Variants in ZNF8 observed in about 807,000 individuals in gnomAD.
ZNF8 encodes zinc finger protein 272.
Under a neutral mutation model 12.2 loss-of-function variants are expected in ZNF8, and 9 were observed. The ratio of observed to expected loss-of-function variants is 0.73; its 90% confidence interval spans 0.44 to 1.28. ZNF8 has a LOEUF of 1.28. Among genes scored for constraint, ZNF8 ranks in the 50% most tolerant of loss-of-function variants. ZNF8 has a pLI of 0.00. For missense variants in ZNF8, 664 were observed against 729.1 expected, an observed-to-expected ratio of 0.91 and a Z score of 1.03; for synonymous variants, 274 against 282.3, an observed-to-expected ratio of 0.97 and a Z score of 0.30.
Position 58,294,336 on chromosome 19 carries a change from C to A in ZNF8, c.528C>A (p.Leu176=), listed in dbSNP as rs142117860. The change falls in exon 4 of 4, where the codon CTC becomes CTA. Residue 176 remains leucine (L), a synonymous_variant. Transcript: ENST00000621650. The surrounding 1 kb of genome is among the most constrained non-coding windows in gnomAD (Gnocchi z 5.5). ...TTCAAGATCAAGGCTACAAAACTCT[C>A]AGACTCAGGGAAAACTGCGTCCTGA... ...APVQDQGYKT[L]RLRENCVLSS... is the part of the protein sequence containing the mutation. 2.0e-5 allele frequency: 32 copies of A among 1,614,180 alleles called. No individual in the cohort carries two copies. Among genetic ancestry groups the A allele is most frequent in the Non-Finnish European group, 2.5e-5 (30 of 1,180,046 alleles).
Position 58,286,212 on chromosome 19 carries a change from A to G in ZNF8, c.289+7A>G. On this transcript the variant is annotated splice_region_variant and intron_variant, in intron 3 of 3. Transcript: ENST00000621650. ...ACCCAGGGCTGCCATCCAGGTGAGA[A>G]CCCACTATGTGGGAGCAGCTAATGG... 2 of 1,558,654 alleles carry G rather than the reference A, an allele frequency of 1.3e-6. No homozygotes were observed. Among genetic ancestry groups the G allele is most frequent in the East Asian group, 2.3e-5 (1 of 43,434 alleles).
At position 58,279,059 on chromosome 19, in the gene ZNF8, T is replaced by C. The variant is rs1383027733; in HGVS notation, c.-23T>C. ...CTGGTCTGGGGATCACCTCAGGCGC[T>C]GTCCTTCACTGGGCGATCCAGCATG... On this transcript the variant is annotated 5_prime_UTR_variant, in exon 1 of 4. Coordinates refer to ENST00000621650, the MANE Select transcript of ZNF8 (RefSeq NM_021089.3). The C allele has an allele frequency of 4.1e-6, 6 of 1,457,584 alleles. No individual in the cohort carries two copies. Among genetic ancestry groups the C allele is most frequent in the Non-Finnish European group, 5.5e-6 (6 of 1,097,066 alleles). 90.3% of individuals were successfully genotyped at this position (1,457,584 alleles called of 1,614,324 possible). A position where few individuals can be genotyped will look rare whatever the true frequency, so the allele number is the denominator to read the frequency against.
intron 3 of ZNF8, among the ~76,000 whole-genome samples, chr19:58,289,342 A>T (rs2051403135): frequency 6.6e-6 from 1 of 152,044 alleles, no homozygotes; most frequent in Admixed American, 6.6e-5. Context: ...CTAAAAATAC[A>T]AAAATTATCC....
intron 1 of ZNF8, among the ~76,000 whole-genome samples, chr19:58,283,491 C>T (rs1026360691): frequency 8.6e-5 from 13 of 152,030 alleles, no homozygotes; most frequent in Admixed American, 5.9e-4. Context: ...CTTGCCCTCT[C>T]GCCATGTGAT....
Position 58,285,742 on chromosome 19 carries a change from C to T in ZNF8, c.92C>T (p.Ala31Val), listed in dbSNP as rs1351661071. ...GAACCAGTGACCTTCCGGGATGTGGCTGTGGACTTTACCCAGGAGGAATGG... is the reference window on the plus strand; with the variant it reads ...GAACCAGTGACCTTCCGGGATGTGGTTGTGGACTTTACCCAGGAGGAATGG... ...LQEPVTFRDV[A>V]VDFTQEEWGQ... The change falls in exon 2 of 4, where the codon GCT becomes GTT. Residue 31 changes from alanine to valine, a missense_variant. Ala to Val is a moderately conservative substitution (Grantham distance 64). Around this residue, in one of 3 missense-constraint regions of ZNF8, gnomAD observed 306 missense variants for 308.7 expected, o/e 0.99. Coordinates refer to ENST00000621650, the MANE Select transcript of ZNF8 (RefSeq NM_021089.3). The T allele has an allele frequency of 6.2e-7, 1 of 1,614,174 alleles. No individual in the cohort carries two copies. The highest frequency in any genetic ancestry group is 8.5e-7 in the Non-Finnish European group (1 of 1,180,038).
At position 58,300,669 on chromosome 19, in the gene ZNF8, C is replaced by T. The variant is rs565769169; in HGVS notation, c.*5133C>T. ...AGCTCTTGGGAGAATTGCTTGTGCT[C>T]CCTATTCCCTTGGTGGATGATGGAG... On this transcript the variant is annotated 3_prime_UTR_variant, in exon 4 of 4. Coordinates refer to ENST00000621650, the MANE Select transcript of ZNF8 (RefSeq NM_021089.3). 2 of 152,022 alleles carry T rather than the reference C, an allele frequency of 1.3e-5. No homozygotes were observed. Among genetic ancestry groups the T allele is most frequent in the South Asian group, 2.1e-4 (1 of 4,804 alleles). The allele number at this position is 152,022 out of a possible 1,614,324, so 9.4% of individuals were successfully genotyped here.
chr19:58,278,980 C>A lies in ZNF8; in HGVS notation c.-102C>A. 2 of 1,310,884 alleles carry A rather than the reference C, an allele frequency of 1.5e-6. No individual in the cohort carries two copies. Among genetic ancestry groups the A allele is most frequent in the Non-Finnish European group, 2.0e-6 (2 of 1,011,986 alleles). 81.2% of individuals were successfully genotyped at this position (1,310,884 alleles called of 1,614,324 possible). On this transcript the variant is annotated 5_prime_UTR_variant, in exon 1 of 4. Coordinates refer to ENST00000621650, the MANE Select transcript of ZNF8 (RefSeq NM_021089.3). ...GTAGTCGCCGCGTCGCCGGTGCGGC[C>A]GCCATTGTCCGGCGTTCGGCGAGTC... is the stretch of plus-strand genomic sequence containing the variant.
chr19:58,279,607 G>T, intron 1 of ZNF8: 1 of 1,533,968 alleles, frequency 6.5e-7, no homozygotes, highest in South Asian at 1.2e-5. Flanking sequence ...CAGCACCGCG[G>T]AGCCCCTGCC....
intron 1 of ZNF8, chr19:58,280,689 G>A (rs1307790182): frequency 6.6e-6 from 1 of 152,220 alleles, no homozygotes; most frequent in Non-Finnish European, 1.5e-5. Context: ...TTGTTCTTAG[G>A]TTCTGGAGGT....
At position 58,295,474 on chromosome 19, in the gene ZNF8, A is replaced by T; in HGVS notation, c.1666A>T (p.Ile556Phe). ...GCAAGAGAAAAACCCTGTGCACGTT[A>T]TTGGGGTGGAAGAGCCTTCTGTGGG... ...IMQEKNPVHV[I>F]GVEEPSVGAS... Residue 556 changes from isoleucine to phenylalanine, a missense_variant, in exon 4 of 4, where the codon ATT becomes TTT. Physicochemically the swap from Ile to Phe is conservative, Grantham distance 21. Transcript: ENST00000621650. 6.2e-7 allele frequency: 1 copy of T among 1,612,876 alleles called. No homozygotes were observed. Among genetic ancestry groups the T allele is most frequent in the Non-Finnish European group, 8.5e-7 (1 of 1,179,622 alleles).
intron 3 of ZNF8, among the ~76,000 whole-genome samples, chr19:58,289,374 T>G (rs2051403238): frequency 6.6e-6 from 1 of 151,816 alleles, no homozygotes; most frequent in Admixed American, 6.6e-5. Context: ...TGCATGCCTG[T>G]AATCCCAGCT....
At position 58,294,389 on chromosome 19, in the gene ZNF8, T is replaced by C; in HGVS notation, c.581T>C (p.Ile194Thr). Residue 194 changes from isoleucine to threonine, a missense_variant, in exon 4 of 4, where the codon ATC (isoleucine) becomes ACC (threonine). Ile to Thr is a moderately conservative substitution (Grantham distance 89). This residue lies in a region of ZNF8 where 306 missense variants were observed against 308.7 expected (regional missense o/e 0.99). Transcript: ENST00000621650. The surrounding 1 kb of genome is among the most constrained non-coding windows in gnomAD (Gnocchi z 5.5). ...LSSSPNPFPE[I>T]SRGEYLYTYD... Reference sequence around the variant, plus strand: ...TCAAGCCCAAATCCATTCCCAGAGATCTCTAGAGGGGAGTATTTGTATACT... The same window carrying C: ...TCAAGCCCAAATCCATTCCCAGAGACCTCTAGAGGGGAGTATTTGTATACT... 1 of 1,613,946 alleles carries C rather than the reference T, an allele frequency of 6.2e-7. No homozygotes were observed. The highest frequency in any genetic ancestry group is 8.5e-7 in the Non-Finnish European group (1 of 1,180,016).
At chr19:58,279,617 C>T (rs1002633339) in intron 1 of ZNF8, 39 of 1,534,034 alleles carry the variant, frequency 2.5e-5, no homozygotes, top group Non-Finnish European at 3.4e-5. Flanking sequence ...GAGCCCCTGC[C>T]CTGGGGCTTG....
intron 1 of ZNF8, chr19:58,280,008 A>G: frequency 2.0e-6 from 1 of 504,510 alleles, no homozygotes; most frequent in South Asian, 2.0e-5. Context: ...TTTGCATGAA[A>G]TGCTACCACG....
rs147807373 is a variant in ZNF8 at position 58,294,805 on chromosome 19, A to C, written c.997A>C (p.Arg333=). ...CHSTHLTVHR[R]IHTGEKPYEC... is the part of the protein sequence containing the mutation. ...TAGTACACACCTTACCGTCCATCGG[A>C]GGATTCACACTGGGGAGAAGCCCTA... is the stretch of plus-strand genomic sequence containing the variant. Residue 333 remains arginine, a synonymous_variant, in exon 4 of 4, where the codon AGG becomes CGG. Coordinates refer to ENST00000621650, the MANE Select transcript of ZNF8 (RefSeq NM_021089.3). This position sits in a 1 kb window ranked among gnomAD's most constrained non-coding sequence, Gnocchi z 5.5. 6 of 1,614,176 alleles carry C rather than the reference A, an allele frequency of 3.7e-6. No homozygotes were observed. Among genetic ancestry groups the C allele is most frequent in the South Asian group, 3.3e-5 (3 of 91,088 alleles).
Position 58,297,183 on chromosome 19 carries a change from A to C in ZNF8, c.*1647A>C, listed in dbSNP as rs1239755569. On this transcript the variant is annotated 3_prime_UTR_variant, in exon 4 of 4. Coordinates refer to ENST00000621650, the MANE Select transcript of ZNF8 (RefSeq NM_021089.3). ...GGGAGGCAGAGGTTTCAGTGAACCG[A>C]GATTGCACCACTGCACTCCAGCCTG... 1 of 152,086 alleles carries C rather than the reference A, an allele frequency of 6.6e-6. No individual in the cohort carries two copies. Among genetic ancestry groups the C allele is most frequent in the Admixed American group, 6.6e-5 (1 of 15,258 alleles). The allele number at this position is 152,086 out of a possible 1,614,324, so 9.4% of individuals were successfully genotyped here.
Position 58,290,235 on chromosome 19 carries a change from C to G in ZNF8, c.290-3863C>G, listed in dbSNP as rs373957988. Among the ~76,000 whole-genome samples the G allele has an allele frequency of 2.0e-5, 3 of 151,176 alleles. No individual in the cohort carries two copies. In the South Asian group the frequency reaches 6.3e-4, roughly 32 times the overall value. On this transcript the variant is annotated intron_variant, in intron 3 of 3. Transcript: ENST00000621650. ...TTCACGCCATTCTGCCTTAGCCTCCCGAGTAGCTGGGACTACAGGTGCCCG... is the reference window on the plus strand; with the variant it reads ...TTCACGCCATTCTGCCTTAGCCTCCGGAGTAGCTGGGACTACAGGTGCCCG...
intron 1 of ZNF8, 184 bp downstream of exon 1, chr19:58,279,331 T>C: frequency 2.0e-6 from 3 of 1,482,054 alleles, no homozygotes; most frequent in Non-Finnish European, 2.7e-6. Context: ...GGGCCGGGAT[T>C]CCAACCAGGC....
rs35428818 is a variant in ZNF8 at position 58,297,418 on chromosome 19, T to TG, written c.*1882_*1883insG. The TG allele has an allele frequency of 0.51, 74,980 of 147,890 alleles. 19,350 individuals carry two copies. The highest frequency in any genetic ancestry group is 0.57 in the Non-Finnish European group (37,934 of 66,766). The allele number at this position is 147,890 out of a possible 1,614,324, so 9.2% of individuals were successfully genotyped here. On this transcript the variant is annotated 3_prime_UTR_variant, in exon 4 of 4. Coordinates refer to ENST00000621650, the MANE Select transcript of ZNF8 (RefSeq NM_021089.3). The stretch of plus-strand genomic sequence containing the variant: ...TGATGTGAAATAAGGAAGATAATCC[T>TG]TTTTTTTTTTTTGAGACAGAGTCTC...
Sources: gnomAD v4.1 joint callset for allele counts (sites outside exome capture counted in the v4.1 genomes callset) on GRCh38, gnomAD v4.1.1 for gene constraint, gnomAD v4.1.1 regional missense constraint, Gnocchi (gnomAD v3.1) non-coding constraint, MANE v1.5 for transcripts, NCBI Gene and HGNC (gene_info 2026-07-23, HGNC 2026-07-21) for gene names.